The following OR51B5 variants were observed in gnomAD, a reference collection of about 807,000 sequenced individuals.
OR51B5 encodes olfactory receptor family 51 subfamily B member 5, also known as olfactory receptor 51B5.
For missense variants in OR51B5, 456 were observed against 374.6 expected, an observed-to-expected ratio of 1.22 and a Z score of -1.79; for synonymous variants, 186 against 144.8, an observed-to-expected ratio of 1.28 and a Z score of -2.04.
At chr11:5,443,856 A>G (rs553828664) in intron 1 of OR51B5, among the ~76,000 whole-genome samples, 7 of 151,520 alleles carry the variant, frequency 4.6e-5, no homozygotes, top group Non-Finnish European at 1.0e-4. Flanking sequence ...TGCACAGAAT[A>G]TCATGAGCAC....
intron 1 of OR51B5, among the ~76,000 whole-genome samples, chr11:5,484,254 T>C (rs1851468827): frequency 1.3e-5 from 2 of 152,144 alleles, no homozygotes; most frequent in Middle Eastern, 3.4e-3. Context: ...TTAGGAAGGG[T>C]GCCTGTATTG....
chr11:5,388,805 T>A (rs965593782), intron 1 of OR51B5, among the ~76,000 whole-genome samples: 1 of 152,024 alleles, frequency 6.6e-6, no homozygotes, highest in Non-Finnish European at 1.5e-5. Context: ...TGAATTAGAA[T>A]AGCATCAATG....
chr11:5,414,253 G>A (rs1304967979), intron 1 of OR51B5, among the ~76,000 whole-genome samples: 1 of 151,424 alleles, frequency 6.6e-6, no homozygotes, highest in African/African-American at 2.4e-5. Context: ...GTCACCACCA[G>A]GTCTGCCCTA....
At chr11:5,405,892 G>T (rs1850051890) in intron 1 of OR51B5, among the ~76,000 whole-genome samples, 1 of 152,088 alleles carries the variant, frequency 6.6e-6, no homozygotes, top group Non-Finnish European at 1.5e-5. Flanking sequence ...ACTCCATAGA[G>T]GACAATGCCT....
chr11:5,464,978 G>A (rs531234203), intron 1 of OR51B5, among the ~76,000 whole-genome samples: 26 of 152,140 alleles, frequency 1.7e-4, no homozygotes, highest in African/African-American at 5.5e-4. Flanking sequence ...AGGCCGAGGC[G>A]GGCGGATCGC....
At chr11:5,351,902 C>A (rs751051612) in intron 1 of OR51B5, 1 of 1,613,164 alleles carries the variant, frequency 6.2e-7, no homozygotes, top group Non-Finnish European at 8.5e-7. Context: ...AGATATACCT[C>A]TATCCTGACC....
At chr11:5,402,165 A>C (rs2467223) in intron 1 of OR51B5, among the ~76,000 whole-genome samples, 56,525 of 151,480 alleles carry the variant, frequency 0.37, 10,631 homozygotes, top group South Asian at 0.43. Flanking sequence ...GCACACTCCA[A>C]CAAGCCTGGC....
At chr11:5,342,925 A>C in exon 1 of OR51B5, 1 of 1,614,028 alleles carries the variant, frequency 6.2e-7, no homozygotes, top group South Asian at 1.1e-5. Context: ...TAAAGACTAC[A>C]AGCACAGCTG....
At chr11:5,343,884 G>C (rs1159865114), upstream of OR51B5, among the ~76,000 whole-genome samples, 4 of 152,214 alleles carry the variant, frequency 2.6e-5, no homozygotes, top group African/African-American at 9.6e-5. Context: ...GGGCATTCAA[G>C]GGGATTTCCA....
intron 1 of OR51B5, among the ~76,000 whole-genome samples, chr11:5,425,577 G>C (rs1045248183): frequency 5.3e-5 from 8 of 152,166 alleles, no homozygotes; most frequent in Admixed American, 2.0e-4. Flanking sequence ...GATATGTTTA[G>C]ATTTTGAAAT....
At chr11:5,455,385 G>A (rs887303929) in intron 1 of OR51B5, 1 of 149,290 alleles carries the variant, frequency 6.7e-6, no homozygotes, top group African/African-American at 2.4e-5. Flanking sequence ...AGACAGACTA[G>A]AGCACTTATG....
intron 1 of OR51B5, among the ~76,000 whole-genome samples, chr11:5,350,927 A>G (rs1262891242): frequency 6.6e-6 from 1 of 152,190 alleles, no homozygotes; most frequent in Non-Finnish European, 1.5e-5. Context: ...AATATTGAAG[A>G]AAAGTCAATC....
intron 1 of OR51B5, among the ~76,000 whole-genome samples, chr11:5,425,668 T>C (rs1850438060): frequency 6.6e-6 from 1 of 152,198 alleles, no homozygotes; most frequent in Non-Finnish European, 1.5e-5. Flanking sequence ...ATAACTATAC[T>C]GGTCATATTT....
At chr11:5,341,088 TATAA>T (rs1397693430), downstream of OR51B5, 1 of 152,144 alleles carries the variant, frequency 6.6e-6, no homozygotes, top group African/African-American at 2.4e-5. Context: ...TGAAACAGAA[TATAA>T]ATAAGGATTG....
chr11:5,405,203 C>T (rs6578642), intron 1 of OR51B5, among the ~76,000 whole-genome samples: 127,576 of 152,148 alleles, frequency 0.84, 53,973 homozygotes, highest in Non-Finnish European at 0.89. Flanking sequence ...ATTTTCATCA[C>T]TTCCTATAGC....
chr11:5,389,889 G>T, intron 1 of OR51B5: 1 of 1,612,702 alleles, frequency 6.2e-7, no homozygotes. Context: ...ATCTTCCGGG[G>T]ACCTGTGGCC....
intron 1 of OR51B5, among the ~76,000 whole-genome samples, chr11:5,385,776 T>G (rs963480296): frequency 7.8e-5 from 11 of 141,448 alleles, no homozygotes; most frequent in Non-Finnish European, 1.3e-4. Flanking sequence ...TACAGACACA[T>G]ATATGTATAC....
intron 1 of OR51B5, among the ~76,000 whole-genome samples, chr11:5,397,360 G>T (rs551841878): frequency 6.7e-6 from 1 of 148,528 alleles, no homozygotes; most frequent in Non-Finnish European, 1.5e-5. Flanking sequence ...ATTTACAAGA[G>T]AAAAAAAACC....
At chr11:5,498,162 C>T (rs150122756) in intron 1 of OR51B5, among the ~76,000 whole-genome samples, 1 of 152,324 alleles carries the variant, frequency 6.6e-6, no homozygotes, top group Admixed American at 6.5e-5. Flanking sequence ...GAGGTAGCTT[C>T]CCCTGTTCTC....
Sources: allele counts gnomAD v4.1 joint callset (sites outside exome capture counted in the v4.1 genomes callset), GRCh38; gene constraint gnomAD v4.1.1; transcripts MANE v1.5; gene names NCBI Gene and HGNC (gene_info 2026-07-23, HGNC 2026-07-21).